The following UGT1A7 variants were observed in gnomAD, a reference collection of about 807,000 sequenced individuals.
The protein encoded by UGT1A7 is UDP-glucuronosyltransferase 1A7.
In UGT1A7, 33 loss-of-function variants were observed where a neutral mutation model predicts 45.6. The ratio of observed to expected loss-of-function variants is 0.72; its 90% CI spans 0.55 to 0.97. UGT1A7 has a LOEUF of 0.97. Ranked by LOEUF, UGT1A7 falls within the 50% of genes least tolerant of loss-of-function variation. The pLI is 0.00. For missense variants in UGT1A7, 684 were observed against 666.2 expected, an observed-to-expected ratio of 1.03 and a Z score of -0.29; for synonymous variants, 274 against 250.6, an observed-to-expected ratio of 1.09 and a Z score of -0.88.
At chr2:233,700,848 A>C (rs1341869131) in intron 1 of UGT1A7, among the ~76,000 whole-genome samples, 1 of 151,952 alleles carries the variant, frequency 6.6e-6, no homozygotes, top group Non-Finnish European at 1.5e-5. Context: ...CATTAGGTAT[A>C]TCTCCTAATG....
intron 1 of UGT1A7, chr2:233,753,090 C>T (rs1182840596): frequency 2.0e-5 from 3 of 152,216 alleles, no homozygotes; most frequent in Non-Finnish European, 4.4e-5. Flanking sequence ...TATTCCTGAA[C>T]GGCTCCATAA....
chr2:233,688,933 G>C (rs1216013654), intron 1 of UGT1A7, among the ~76,000 whole-genome samples: 2 of 152,148 alleles, frequency 1.3e-5, no homozygotes, highest in Non-Finnish European at 2.9e-5. Context: ...AAGATGGCAG[G>C]TGCAGCATGA....
At chr2:233,730,541 T>A (rs1015263117) in intron 1 of UGT1A7, among the ~76,000 whole-genome samples, 1 of 152,098 alleles carries the variant, frequency 6.6e-6, no homozygotes, top group African/African-American at 2.4e-5. Context: ...TTGGGATGGA[T>A]GTCTGTGATT....
At chr2:233,719,761 G>T in intron 1 of UGT1A7, 2 of 1,612,292 alleles carry the variant, frequency 1.2e-6, no homozygotes, top group Admixed American at 1.7e-5. Context: ...ACTTACAAGT[G>T]CTTCCATATC....
intron 1 of UGT1A7, chr2:233,692,920 GT>G: frequency 6.4e-7 from 1 of 1,571,834 alleles, no homozygotes; most frequent in Non-Finnish European, 8.6e-7. Flanking sequence ...AAAAGCAGTG[GT>G]TAGTTTAGGG....
intron 1 of UGT1A7, among the ~76,000 whole-genome samples, chr2:233,739,663 T>C (rs1172475020): frequency 6.6e-6 from 1 of 152,246 alleles, no homozygotes; most frequent in Non-Finnish European, 1.5e-5. Context: ...ACCCCCATTG[T>C]GTCTTGGAAG....
At chr2:233,719,438 A>G in intron 1 of UGT1A7, 1 of 1,613,920 alleles carries the variant, frequency 6.2e-7, no homozygotes, top group Non-Finnish European at 8.5e-7. Context: ...ACCACATGAC[A>G]TTCCTGCAAA....
At chr2:233,737,120 A>C (rs948512181) in intron 1 of UGT1A7, among the ~76,000 whole-genome samples, 9 of 152,336 alleles carry the variant, frequency 5.9e-5, no homozygotes, top group African/African-American at 2.2e-4. Flanking sequence ...CATGTTCAGA[A>C]GTTGTCTGCT....
At chr2:233,741,094 A>G (rs1452297102) in intron 1 of UGT1A7, among the ~76,000 whole-genome samples, 2 of 151,824 alleles carry the variant, frequency 1.3e-5, no homozygotes, top group Non-Finnish European at 2.9e-5. Flanking sequence ...CAAACAAGCA[A>G]ACAGACAATC....
intron 1 of UGT1A7, among the ~76,000 whole-genome samples, chr2:233,718,205 T>C (rs2076639631): frequency 6.6e-6 from 1 of 152,198 alleles, no homozygotes; most frequent in African/African-American, 2.4e-5. Context: ...AGCTTTTTTT[T>C]ATATTGACAG....
At chr2:233,747,308 T>C in intron 1 of UGT1A7, 5 of 1,602,886 alleles carry the variant, frequency 3.1e-6, no homozygotes, top group Non-Finnish European at 4.3e-6. Context: ...GGGAAGGTGC[T>C]GGTGGTACCC....
intron 1 of UGT1A7, among the ~76,000 whole-genome samples, chr2:233,731,505 G>T (rs1188245872): frequency 2.6e-5 from 4 of 152,064 alleles, no homozygotes; most frequent in African/African-American, 7.2e-5. Context: ...TTGCTGTTCA[G>T]TTCCCACCTA....
chr2:233,753,194 G>GCCCT (rs1307613617), intron 1 of UGT1A7: 1 of 152,080 alleles, frequency 6.6e-6, no homozygotes, highest in Non-Finnish European at 1.5e-5. Context: ...TTTTTCAAAA[G>GCCCT]CCCTGACAGT....
intron 1 of UGT1A7, among the ~76,000 whole-genome samples, chr2:233,739,936 GT>G (rs143578493): frequency 0.012 from 1,757 of 151,974 alleles, 85 homozygotes; most frequent in African/African-American, 0.041. Flanking sequence ...ATGTGTTAAG[GT>G]TGGTACCTGG....
chr2:233,755,026 G>T, intron 1 of UGT1A7: 1 of 1,306,986 alleles, frequency 7.7e-7, no homozygotes, highest in South Asian at 1.2e-5. Context: ...TCCTTGAAGG[G>T]CCTGCCGCCT....
intron 1 of UGT1A7, among the ~76,000 whole-genome samples, chr2:233,698,018 A>G (rs576535829): frequency 6.6e-6 from 1 of 152,290 alleles, no homozygotes; most frequent in South Asian, 2.1e-4. Flanking sequence ...GCACATTGGT[A>G]CCAATTATCT....
chr2:233,705,587 A>T (rs1466841331), intron 1 of UGT1A7, among the ~76,000 whole-genome samples: 1 of 152,138 alleles, frequency 6.6e-6, no homozygotes, highest in Non-Finnish European at 1.5e-5. Context: ...TGGTTTATGG[A>T]TCTGGGAAAG....
At chr2:233,721,208 T>A (rs1235207261) in intron 1 of UGT1A7, among the ~76,000 whole-genome samples, 1 of 152,250 alleles carries the variant, frequency 6.6e-6, no homozygotes, top group Non-Finnish European at 1.5e-5. Context: ...ACTGGTTTTC[T>A]TTTCCCCTTA....
intron 1 of UGT1A7, among the ~76,000 whole-genome samples, chr2:233,725,500 A>C (rs2125714454): frequency 6.6e-6 from 1 of 152,210 alleles, no homozygotes; most frequent in East Asian, 1.9e-4. Flanking sequence ...GAAACCACTG[A>C]AATTAATTTT....
Sources: gnomAD v4.1 joint callset for allele counts (sites outside exome capture counted in the v4.1 genomes callset) on GRCh38, gnomAD v4.1.1 for gene constraint, MANE v1.5 for transcripts, NCBI Gene and HGNC (gene_info 2026-07-23, HGNC 2026-07-21) for gene names.